KAZN: variants seen among roughly 807,000 people sequenced by gnomAD.
KAZN encodes kazrin.
A neutral mutation model predicts 87.4 loss-of-function variants in KAZN; 40 were observed. That is an observed-to-expected ratio of 0.46 (90% CI 0.36 to 0.60). The LOEUF is 0.60. KAZN is among the 20% of genes least tolerant of loss of function. The probability of loss-of-function intolerance (pLI) is 0.00; values close to 1 mark genes in which losing one functional copy is unlikely to be tolerated. For missense variants in KAZN, 898 were observed against 1,073.9 expected, an observed-to-expected ratio of 0.84 and a Z score of 2.29; for synonymous variants, 466 against 458.3, an observed-to-expected ratio of 1.02 and a Z score of -0.22.
At chr1:14,569,568 C>A (rs530252557) in intron 2 of KAZN, among the ~76,000 whole-genome samples, 1 of 151,550 alleles carries the variant, frequency 6.6e-6, no homozygotes, top group Admixed American at 6.6e-5. Flanking sequence ...AAGATCTGCC[C>A]GCCTCGGCCT....
intron 1 of KAZN, among the ~76,000 whole-genome samples, chr1:14,000,730 T>C (rs1445268474): frequency 6.6e-6 from 1 of 152,140 alleles, no homozygotes; most frequent in African/African-American, 2.4e-5. Flanking sequence ...GAAATAAAGG[T>C]ATTCAGATAG....
At chr1:14,147,921 G>A (rs1016275135) in intron 1 of KAZN, among the ~76,000 whole-genome samples, 4 of 151,920 alleles carry the variant, frequency 2.6e-5, no homozygotes, top group African/African-American at 7.3e-5. Flanking sequence ...TATTGTAATA[G>A]TCCCTTTAAA....
chr1:14,490,155 T>C (rs1669571501), intron 2 of KAZN, among the ~76,000 whole-genome samples: 1 of 152,246 alleles, frequency 6.6e-6, no homozygotes, highest in Non-Finnish European at 1.5e-5. Flanking sequence ...TTTGTTTGAT[T>C]ACTAGTCAGG....
chr1:14,614,089 A>G (rs1344861051), intron 1 of KAZN, among the ~76,000 whole-genome samples: 1 of 152,206 alleles, frequency 6.6e-6, no homozygotes, highest in Non-Finnish European at 1.5e-5. Context: ...CAATTGGCCA[A>G]CTGCCATCAC....
At chr1:14,326,865 A>G (rs1229619122) in intron 2 of KAZN, among the ~76,000 whole-genome samples, 2 of 142,952 alleles carry the variant, frequency 1.4e-5, no homozygotes, top group East Asian at 4.7e-4. Flanking sequence ...GATCCCACAT[A>G]CAATAGTAAT....
intron 4 of KAZN, among the ~76,000 whole-genome samples, chr1:15,048,175 G>A (rs1442658569): frequency 2.0e-5 from 3 of 152,192 alleles, no homozygotes; most frequent in Non-Finnish European, 4.4e-5. Context: ...ACTCTGGGCC[G>A]CCCCACACAC....
chr1:14,341,836 CTTTTA>C (rs1377529224), intron 2 of KAZN, among the ~76,000 whole-genome samples: 3 of 152,078 alleles, frequency 2.0e-5, no homozygotes, highest in African/African-American at 7.3e-5. Context: ...TTATTTTTAA[CTTTTA>C]TTTTGTGTTC....
chr1:14,066,638 T>C (rs1326996800), intron 1 of KAZN, among the ~76,000 whole-genome samples: 1 of 152,192 alleles, frequency 6.6e-6, no homozygotes, highest in Non-Finnish European at 1.5e-5. Flanking sequence ...TGCCCTGAAG[T>C]TGCCGCCCTC....
chr1:14,512,387 C>T (rs1323566750), intron 2 of KAZN, among the ~76,000 whole-genome samples: 1 of 152,038 alleles, frequency 6.6e-6, no homozygotes, highest in African/African-American at 2.4e-5. Flanking sequence ...CCTCTACCCA[C>T]GGGATGCCAG....
intron 2 of KAZN, among the ~76,000 whole-genome samples, chr1:14,257,525 C>G (rs1353119396): frequency 1.2e-4 from 17 of 145,376 alleles, no homozygotes; most frequent in African/African-American, 4.2e-4. Context: ...TTTTGGTGTT[C>G]TGGACATGAA....
At chr1:14,572,172 G>A (rs1233768754) in intron 2 of KAZN, among the ~76,000 whole-genome samples, 2 of 152,176 alleles carry the variant, frequency 1.3e-5, no homozygotes, top group Non-Finnish European at 2.9e-5. Flanking sequence ...AACTCAGTAG[G>A]TAACACTTTA....
intron 1 of KAZN, among the ~76,000 whole-genome samples, chr1:14,653,637 T>C (rs1486139200): frequency 1.3e-5 from 2 of 152,212 alleles, no homozygotes; most frequent in African/African-American, 4.8e-5. Context: ...AACACACCCG[T>C]AGGCCACATC....
At chr1:14,954,907 G>A (rs142259209) in intron 1 of KAZN, among the ~76,000 whole-genome samples, 8 of 152,112 alleles carry the variant, frequency 5.3e-5, no homozygotes, top group African/African-American at 1.4e-4. Context: ...AGCCAAGATC[G>A]CGCCACTGTA....
intron 1 of KAZN, among the ~76,000 whole-genome samples, chr1:14,913,832 G>A (rs1040839963): frequency 6.6e-6 from 1 of 152,230 alleles, no homozygotes; most frequent in African/African-American, 2.4e-5. Context: ...CATAATTATG[G>A]GGAAAGCAGC....
intron 1 of KAZN, among the ~76,000 whole-genome samples, chr1:14,679,690 T>G (rs1334115369): frequency 6.6e-6 from 1 of 152,010 alleles, no homozygotes; most frequent in Non-Finnish European, 1.5e-5. Context: ...CCCTGTGAGG[T>G]AGGTACTAGT....
At chr1:14,788,309 A>G (rs1645571672) in intron 1 of KAZN, among the ~76,000 whole-genome samples, 1 of 152,174 alleles carries the variant, frequency 6.6e-6, no homozygotes, top group Non-Finnish European at 1.5e-5. Context: ...GAGCACGGCC[A>G]AAAGACAAAT....
chr1:14,155,801 C>A (rs1428322212), intron 1 of KAZN, among the ~76,000 whole-genome samples: 3 of 152,100 alleles, frequency 2.0e-5, no homozygotes, highest in African/African-American at 7.2e-5. Context: ...AGATATACAC[C>A]ACCATGTCCA....
chr1:14,303,233 A>G (rs1654682765), intron 2 of KAZN, among the ~76,000 whole-genome samples: 1 of 152,090 alleles, frequency 6.6e-6, no homozygotes, highest in African/African-American at 2.4e-5. Flanking sequence ...CTCTGAGCCC[A>G]AGCCTTGACC....
At chr1:13,906,346 T>C (rs1378769105) in intron 1 of KAZN, among the ~76,000 whole-genome samples, 2 of 152,142 alleles carry the variant, frequency 1.3e-5, no homozygotes. Flanking sequence ...GCAAACAACC[T>C]CCAGGCTGGA....
Sources: allele counts gnomAD v4.1 joint callset (sites outside exome capture counted in the v4.1 genomes callset), GRCh38; gene constraint gnomAD v4.1.1; transcripts MANE v1.5; gene names NCBI Gene and HGNC (gene_info 2026-07-23, HGNC 2026-07-21).